PPP2R5B: variants seen among roughly 807,000 people sequenced by gnomAD.
The protein encoded by PPP2R5B is serine/threonine-protein phosphatase 2A 56 kDa regulatory subunit beta isoform.
Under a neutral mutation model 59.9 loss-of-function variants are expected in PPP2R5B, and 19 were observed. The ratio of observed to expected loss-of-function variants is 0.32; its 90% CI spans 0.22 to 0.47. PPP2R5B has a LOEUF of 0.47. Ranked by LOEUF, PPP2R5B falls within the 20% of genes least tolerant of loss-of-function variation. The pLI, the probability that PPP2R5B is intolerant of heterozygous loss-of-function variation, is 1.00. For synonymous variants in PPP2R5B, 286 were observed against 260.5 expected, an observed-to-expected ratio of 1.10 and a Z score of -0.94; for missense variants, 441 against 640.2, an observed-to-expected ratio of 0.69 and a Z score of 3.36.
chr11:64,923,851 C>G (rs1233735035), upstream of PPP2R5B, among the ~76,000 whole-genome samples: 1 of 152,126 alleles, frequency 6.6e-6, no homozygotes, highest in African/African-American at 2.4e-5. Context: ...TGTTGGGGTC[C>G]AGGATCCTAG....
At chr11:64,924,299 G>T (rs536546445), upstream of PPP2R5B, 2 of 152,610 alleles carry the variant, frequency 1.3e-5, no homozygotes, top group South Asian at 4.1e-4. Context: ...TCTGGGGTAA[G>T]GGTGAGGTTC....
Position 64,934,045 on chromosome 11 carries a change from C to T in PPP2R5B, c.*201C>T, listed in dbSNP as rs546161272. 14 of 587,884 alleles carry T rather than the reference C, an allele frequency of 2.4e-5. No individual in the cohort carries two copies. Among genetic ancestry groups the T allele is most frequent in the Admixed American group, 1.2e-4 (3 of 25,232 alleles). 36.4% of individuals were successfully genotyped at this position (587,884 alleles called of 1,614,324 possible). ...CTTGGCAACAGAATGCTCAGCCCCTCGTGGCAGGACTTGACAAGGGCAAGC... is the reference window on the plus strand; with the variant it reads ...CTTGGCAACAGAATGCTCAGCCCCTTGTGGCAGGACTTGACAAGGGCAAGC... On this transcript the variant is annotated 3_prime_UTR_variant, in exon 14 of 14. Transcript: ENST00000164133.
At chr11:64,924,664 C>A (rs1027937124), upstream of PPP2R5B, 7 of 152,254 alleles carry the variant, frequency 4.6e-5, no homozygotes, top group African/African-American at 1.4e-4. Context: ...CGGGGAGGTG[C>A]GGGCCGGGTG....
intron 6 of PPP2R5B, among the ~76,000 whole-genome samples, chr11:64,929,492 G>A (rs1160678953): frequency 6.6e-6 from 1 of 152,216 alleles, no homozygotes; most frequent in Non-Finnish European, 1.5e-5. Flanking sequence ...TTGGGAGTTG[G>A]AGGTGGGCAG....
At position 64,925,393 on chromosome 11, in the gene PPP2R5B, C is replaced by T. The variant is rs932171505; in HGVS notation, c.-264-78C>T. Reference sequence around the variant, plus strand: ...AAGACCTGGGCACTCCACGCAGCCTCCCGGCTCTCCTGAGGAACTGATGGG... The same window carrying T: ...AAGACCTGGGCACTCCACGCAGCCTTCCGGCTCTCCTGAGGAACTGATGGG... On this transcript the variant is annotated intron_variant, in intron 1 of 13. Transcript: ENST00000164133. This position sits in a 1 kb window ranked among gnomAD's most constrained non-coding sequence, Gnocchi z 4.6. 3 of 234,660 alleles carry T rather than the reference C, an allele frequency of 1.3e-5. No individual in the cohort carries two copies. Among genetic ancestry groups the T allele is most frequent in the African/African-American group, 7.0e-5 (3 of 42,930 alleles). The allele number at this position is 234,660 out of a possible 1,614,324, so 14.5% of individuals were successfully genotyped here.
chr11:64,928,838 T>C (rs555801822), intron 6 of PPP2R5B, among the ~76,000 whole-genome samples: 3 of 152,190 alleles, frequency 2.0e-5, no homozygotes, highest in South Asian at 2.1e-4. Context: ...GAGCCGAGAC[T>C]GCGCCACTGC....
chr11:64,928,712 G>A (rs566999978), intron 6 of PPP2R5B, among the ~76,000 whole-genome samples: 36 of 152,176 alleles, frequency 2.4e-4, no homozygotes, highest in African/African-American at 8.7e-4. Flanking sequence ...GTGAAACCCC[G>A]TCTCTACTAA....
upstream of PPP2R5B, among the ~76,000 whole-genome samples, chr11:64,922,353 C>T (rs1299435826): frequency 7.2e-5 from 11 of 151,892 alleles, no homozygotes. Flanking sequence ...GGCATGATGG[C>T]GTGCATCTGT....
chr11:64,932,579 T>C (rs1011818114), intron 11 of PPP2R5B, among the ~76,000 whole-genome samples, 186 bp from the exon 12 acceptor site: 5 of 152,154 alleles, frequency 3.3e-5, no homozygotes, highest in Non-Finnish European at 7.4e-5. Context: ...CCCCGCAGCA[T>C]TGGATTCCGT....
Position 64,931,341 on chromosome 11 carries a change from G to T in PPP2R5B, c.892-95G>T. On this transcript the variant is annotated intron_variant, in intron 8 of 13. Transcript: ENST00000164133. This position sits in a 1 kb window ranked among gnomAD's most constrained non-coding sequence, Gnocchi z 5.0. ...AATAAGAAAGTAACAGGCCGTGGGTGAGCAGTATTTGGCATTCTGTCCTGG... is the reference window on the plus strand; with the variant it reads ...AATAAGAAAGTAACAGGCCGTGGGTTAGCAGTATTTGGCATTCTGTCCTGG... 2 of 1,344,706 alleles carry T rather than the reference G, an allele frequency of 1.5e-6. No homozygotes were observed. Among genetic ancestry groups the T allele is most frequent in the South Asian group, 1.2e-5 (1 of 81,448 alleles). 83.3% of individuals were successfully genotyped at this position (1,344,706 alleles called of 1,614,324 possible).
At chr11:64,921,187 C>T (rs902411035), upstream of PPP2R5B, among the ~76,000 whole-genome samples, 1 of 151,514 alleles carries the variant, frequency 6.6e-6, no homozygotes, top group South Asian at 2.1e-4. Context: ...AACTCTTGGG[C>T]TCAAGCAATC....
intron 2 of PPP2R5B, among the ~76,000 whole-genome samples, chr11:64,926,199 C>T (rs1945162348): frequency 6.6e-6 from 1 of 152,234 alleles, no homozygotes; most frequent in Non-Finnish European, 1.5e-5. Flanking sequence ...GGCCCATAGC[C>T]TGGGTTCCAG....
chr11:64,933,115 A>G (rs749477283), intron 12 of PPP2R5B, 30 bp from the exon 13 acceptor site: 1 of 1,572,768 alleles, frequency 6.4e-7, no homozygotes, highest in Non-Finnish European at 8.7e-7. Flanking sequence ...AAGCTGTTTC[A>G]TCTCCTCATC....
chr11:64,927,482 G>T (rs1304562761), intron 3 of PPP2R5B, among the ~76,000 whole-genome samples: 1 of 152,210 alleles, frequency 6.6e-6, no homozygotes, highest in African/African-American at 2.4e-5. Flanking sequence ...GGGCCAAGGC[G>T]AGAGGATCAC....
At chr11:64,920,919 C>T (rs1483539482), upstream of PPP2R5B, among the ~76,000 whole-genome samples, 9 of 146,814 alleles carry the variant, frequency 6.1e-5, no homozygotes, top group South Asian at 2.2e-4. Flanking sequence ...TGAGCCACTG[C>T]GCCCAGCCTT....
intron 6 of PPP2R5B, among the ~76,000 whole-genome samples, chr11:64,929,225 TATC>T (rs899790617): frequency 2.0e-5 from 3 of 152,134 alleles, no homozygotes; most frequent in Non-Finnish European, 4.4e-5. Flanking sequence ...ATTTGACCCT[TATC>T]ATGCCAGGCC....
chr11:64,929,416 G>T (rs982507379), intron 6 of PPP2R5B, among the ~76,000 whole-genome samples: 1 of 152,140 alleles, frequency 6.6e-6, no homozygotes, highest in African/African-American at 2.4e-5. Context: ...CTCTCTCCTA[G>T]TTTGCTCGTC....
chr11:64,933,055 G>C (rs1417661646), intron 12 of PPP2R5B, 90 bp from the exon 13 acceptor site: 38 of 1,492,538 alleles, frequency 2.5e-5, no homozygotes, highest in Non-Finnish European at 3.3e-5. Flanking sequence ...CTTGTGTTCA[G>C]GTGGAATGCT....
chr11:64,925,712 G>A lies in PPP2R5B; in HGVS notation c.-23G>A, dbSNP rs750095132. 1 of 1,536,968 alleles carries A rather than the reference G, an allele frequency of 6.5e-7. No individual in the cohort carries two copies. The highest frequency in any genetic ancestry group is 1.2e-5 in the South Asian group (1 of 86,894). Reference sequence around the variant, plus strand: ...AGAGAGAACCCCCGGGGCTCTGAAAGCTTGCCCTGCCGCCTGACCGCCATG... The same window carrying A: ...AGAGAGAACCCCCGGGGCTCTGAAAACTTGCCCTGCCGCCTGACCGCCATG... On this transcript the variant is annotated 5_prime_UTR_variant, in exon 2 of 14. Transcript: ENST00000164133. The surrounding 1 kb of genome is among the most constrained non-coding windows in gnomAD (Gnocchi z 4.6).
Sources: gnomAD v4.1 joint callset for allele counts (sites outside exome capture counted in the v4.1 genomes callset) on GRCh38, gnomAD v4.1.1 for gene constraint, Gnocchi (gnomAD v3.1) non-coding constraint, MANE v1.5 for transcripts, NCBI Gene and HGNC (gene_info 2026-07-23, HGNC 2026-07-21) for gene names.